The following SUPT3H variants were observed in gnomAD, a reference collection of about 807,000 sequenced individuals.
SUPT3H encodes the protein transcription initiation protein SPT3 homolog.
In SUPT3H, 44 loss-of-function variants were observed where a neutral mutation model predicts 44.3. That is an observed-to-expected ratio of 0.99 (90% CI 0.78 to 1.28). The LOEUF is 1.28. SUPT3H is among the 50% of genes most tolerant of loss of function. The pLI, the probability that SUPT3H is intolerant of heterozygous loss-of-function variation, is 0.00. For missense variants in SUPT3H, 380 were observed against 387.1 expected, an observed-to-expected ratio of 0.98 and a Z score of 0.15; for synonymous variants, 124 against 125.6, an observed-to-expected ratio of 0.99 and a Z score of 0.09.
At position 45,138,284 on chromosome 6, in the gene SUPT3H, C is replaced by T. The variant is rs181080829; in HGVS notation, c.102-32278G>A. Among the ~76,000 whole-genome samples the T allele has an allele frequency of 2.6e-3, 391 of 152,218 alleles. 2 individuals carry two copies. The highest frequency in any genetic ancestry group is 8.5e-3 in the African/African-American group (352 of 41,552). On this transcript the variant is annotated intron_variant, in intron 2 of 10. Coordinates refer to ENST00000371459, the MANE Select transcript of SUPT3H (RefSeq NM_003599.4). ...AAAATGATATAGCTATTTTGGAGAA[C>T]AGTTGGACATTTTCTTAATATGTTA...
intron 10 of SUPT3H, among the ~76,000 whole-genome samples, chr6:44,919,770 T>C (rs1202814182): frequency 5.3e-5 from 8 of 152,254 alleles, no homozygotes; most frequent in East Asian, 1.9e-4. Flanking sequence ...CCTCAGAAGA[T>C]GCTCTTTTAG....
intron 2 of SUPT3H, chr6:45,328,787 A>G: frequency 5.0e-6 from 8 of 1,611,896 alleles, no homozygotes; most frequent in Non-Finnish European, 6.8e-6. Context: ...CTTTTGGGGT[A>G]AGTGTTACCA....
chr6:45,099,075 C>A, intron 3 of SUPT3H: 1 of 375,054 alleles, frequency 2.7e-6, no homozygotes, highest in South Asian at 2.2e-5. Context: ...ACATGGTCCT[C>A]CAGCTGTGGT....
chr6:44,959,714 G>C (rs540087967), intron 7 of SUPT3H, among the ~76,000 whole-genome samples: 1 of 152,104 alleles, frequency 6.6e-6, no homozygotes, highest in African/African-American at 2.4e-5. Context: ...TTAGTGTGCC[G>C]ATGCTACAGC....
At chr6:45,343,596 C>T (rs533171780) in intron 2 of SUPT3H, among the ~76,000 whole-genome samples, 1 of 152,242 alleles carries the variant, frequency 6.6e-6, no homozygotes, top group Non-Finnish European at 1.5e-5. Context: ...AAAATGCCTT[C>T]AATAATTTGA....
At chr6:45,091,448 T>C (rs1019376283) in intron 3 of SUPT3H, among the ~76,000 whole-genome samples, 1 of 152,048 alleles carries the variant, frequency 6.6e-6, no homozygotes, top group African/African-American at 2.4e-5. Context: ...AGACATATAG[T>C]AAATTCAGTC....
downstream of SUPT3H, among the ~76,000 whole-genome samples, chr6:44,825,948 C>T (rs1767714016): frequency 6.6e-6 from 1 of 152,190 alleles, no homozygotes; most frequent in Non-Finnish European, 1.5e-5. Context: ...CTTGTGACTG[C>T]AGGAATTGAT....
At chr6:45,220,386 G>GA (rs992831088) in intron 2 of SUPT3H, among the ~76,000 whole-genome samples, 15 of 150,424 alleles carry the variant, frequency 1.0e-4, no homozygotes, top group Non-Finnish European at 1.5e-4. Flanking sequence ...AATTGAGGCA[G>GA]AAAAAAAAAT....
In SUPT3H at chr6:45,105,542, A is replaced by G. The variant is rs550292993; in HGVS notation, c.186+380T>C. Among the ~76,000 whole-genome samples the G allele has an allele frequency of 1.8e-3, 279 of 152,298 alleles. 1 individual carries two copies. Among genetic ancestry groups the G allele is most frequent in the African/African-American group, 6.2e-3 (258 of 41,570 alleles). ...CTATTGATTGTCAAATGGCATGTCT[A>G]AAAAATAATGTACATACCTTAATTT... On this transcript the variant is annotated intron_variant, in intron 3 of 10. Coordinates refer to ENST00000371459, the MANE Select transcript of SUPT3H (RefSeq NM_003599.4).
intron 11 of SUPT3H, among the ~76,000 whole-genome samples, chr6:44,815,416 G>C (rs1396997217): frequency 6.6e-6 from 1 of 151,950 alleles, no homozygotes; most frequent in African/African-American, 2.4e-5. Context: ...TTGTAAAATG[G>C]GTTAAAAAGC....
At chr6:45,256,562 T>G (rs1773442588) in intron 2 of SUPT3H, among the ~76,000 whole-genome samples, 1 of 152,110 alleles carries the variant, frequency 6.6e-6, no homozygotes, top group Non-Finnish European at 1.5e-5. Context: ...ACATCCTGAC[T>G]ACAGCACTCT....
intron 6 of SUPT3H, among the ~76,000 whole-genome samples, chr6:44,964,126 G>A (rs1268268274): frequency 2.6e-5 from 4 of 152,096 alleles, no homozygotes; most frequent in African/African-American, 4.8e-5. Flanking sequence ...CACTATAGCA[G>A]GAACTACTCA....
chr6:44,921,812 G>A (rs1457669295), intron 10 of SUPT3H, among the ~76,000 whole-genome samples: 2 of 152,182 alleles, frequency 1.3e-5, no homozygotes, highest in Non-Finnish European at 2.9e-5. Context: ...GAAATCTGTA[G>A]GCCAGGCTGT....
intron 2 of SUPT3H, among the ~76,000 whole-genome samples, chr6:45,266,103 CTCAA>C (rs1364279079): frequency 6.6e-6 from 1 of 151,804 alleles, no homozygotes; most frequent in Non-Finnish European, 1.5e-5. Context: ...CTGAATTGAC[CTCAA>C]TCAGTTGGAA....
At chr6:44,935,962 A>T (rs1231780175) in intron 9 of SUPT3H, among the ~76,000 whole-genome samples, 1 of 152,204 alleles carries the variant, frequency 6.6e-6, no homozygotes, top group African/African-American at 2.4e-5. Flanking sequence ...TTTAAGAAGG[A>T]TCTAGAATCT....
At chr6:45,355,470 T>C (rs967216630) in intron 2 of SUPT3H, among the ~76,000 whole-genome samples, 14 of 152,082 alleles carry the variant, frequency 9.2e-5, no homozygotes, top group African/African-American at 3.4e-4. Context: ...GGGGTGGGGG[T>C]TAATTGTTCC....
chr6:45,367,053 A>C (rs1483921263), intron 1 of SUPT3H, among the ~76,000 whole-genome samples: 3 of 152,156 alleles, frequency 2.0e-5, no homozygotes, highest in African/African-American at 7.2e-5. Flanking sequence ...CCACGAAAGA[A>C]GGTTGGGGAA....
chr6:44,830,218 CTAAG>C (rs540391888), intron 10 of SUPT3H, among the ~76,000 whole-genome samples: 237 of 152,278 alleles, frequency 1.6e-3, no homozygotes, highest in African/African-American at 5.3e-3. Flanking sequence ...TTCTAACTAA[CTAAG>C]TATCTTAATA....
At chr6:45,369,977 G>A (rs1795783128) in intron 1 of SUPT3H, among the ~76,000 whole-genome samples, 1 of 152,074 alleles carries the variant, frequency 6.6e-6, no homozygotes, top group Non-Finnish European at 1.5e-5. Flanking sequence ...GTAGCAAGAG[G>A]GCAGATCTTA....
Sources: gnomAD v4.1 joint callset for allele counts (sites outside exome capture counted in the v4.1 genomes callset) on GRCh38, gnomAD v4.1.1 for gene constraint, MANE v1.5 for transcripts, NCBI Gene and HGNC (gene_info 2026-07-23, HGNC 2026-07-21) for gene names.